Variants in MYOF observed in about 807,000 individuals in gnomAD.
MYOF encodes the protein fer-1-like 3, myoferlin.
A neutral mutation model predicts 284.2 loss-of-function variants in MYOF; 244 were observed. The ratio of observed to expected loss-of-function variants is 0.86; its 90% CI spans 0.77 to 0.95. MYOF has a LOEUF of 0.95. MYOF is among the 40% of genes least tolerant of loss of function. The pLI, the probability that MYOF is intolerant of heterozygous loss-of-function variation, is 0.00. For synonymous variants in MYOF, 904 were observed against 919.7 expected, an observed-to-expected ratio of 0.98 and a Z score of 0.31; for missense variants, 2,496 against 2,560.6, an observed-to-expected ratio of 0.97 and a Z score of 0.54.
chr10:93,389,444 G>A (rs1846565304), intron 17 of MYOF, among the ~76,000 whole-genome samples: 1 of 152,116 alleles, frequency 6.6e-6, no homozygotes, highest in South Asian at 2.1e-4. Flanking sequence ...TCACATTTTT[G>A]CAAGTTTATA....
Position 93,374,962 on chromosome 10 carries a change from A to T in MYOF, c.2109-7T>A. Reference sequence around the variant, plus strand: ...TGTGAGAGGCAACGTGTATCTAGAAAAATGAAGAAAAAAAGAAACAGAGGA... The same window carrying T: ...TGTGAGAGGCAACGTGTATCTAGAATAATGAAGAAAAAAAGAAACAGAGGA... On this transcript the variant is annotated splice_region_variant and splice_polypyrimidine_tract_variant and intron_variant, in intron 22 of 53. Coordinates refer to ENST00000359263, the MANE Select transcript of MYOF (RefSeq NM_013451.4). The T allele has an allele frequency of 5.0e-6, 8 of 1,604,580 alleles. No homozygotes were observed. The highest frequency in any genetic ancestry group is 6.8e-6 in the Non-Finnish European group (8 of 1,176,926).
intron 12 of MYOF, among the ~76,000 whole-genome samples, chr10:93,399,818 G>A (rs992472598): frequency 6.6e-6 from 1 of 152,138 alleles, no homozygotes; most frequent in Non-Finnish European, 1.5e-5. Flanking sequence ...ATTGCAGTGA[G>A]CCAAGATCAC....
At chr10:93,307,564 T>C (rs1253078395) in intron 53 of MYOF, among the ~76,000 whole-genome samples, 2 of 151,882 alleles carry the variant, frequency 1.3e-5, no homozygotes, top group African/African-American at 4.8e-5. Context: ...CCTCCAAACA[T>C]GGTGGGATTA....
intron 3 of MYOF, among the ~76,000 whole-genome samples, chr10:93,439,152 C>T (rs777025271): frequency 3.3e-5 from 5 of 152,202 alleles, no homozygotes; most frequent in Non-Finnish European, 4.4e-5. Context: ...CCTCCCACCT[C>T]TGCAACTCTG....
In MYOF at chr10:93,442,041, C is replaced by G. The variant is rs11187428; in HGVS notation, c.236+10009G>C. 0.06 allele frequency among the ~76,000 whole-genome samples: 8,548 copies of G among 142,684 alleles called. 1,191 individuals are homozygous for G. In the East Asian group the frequency reaches 0.64, roughly 11 times the overall value. The allele number at this position is 142,684 out of a possible 152,430, so 93.6% of individuals were successfully genotyped here. On this transcript the variant is annotated intron_variant, in intron 3 of 53. Coordinates refer to ENST00000359263, the MANE Select transcript of MYOF (RefSeq NM_013451.4). Reference sequence around the variant, plus strand: ...ACACACACACACACACACACACACACAGAATAAACCTTGGAAAGTCTGGGC... The same window carrying G: ...ACACACACACACACACACACACACAGAGAATAAACCTTGGAAAGTCTGGGC...
intron 31 of MYOF, among the ~76,000 whole-genome samples, chr10:93,355,351 T>C (rs1844744561): frequency 6.6e-6 from 1 of 152,222 alleles, no homozygotes; most frequent in African/African-American, 2.4e-5. Flanking sequence ...CCCAGCACTT[T>C]GGTAGGCCAA....
rs192148603 is a variant in MYOF at position 93,452,732 on chromosome 10, G to T, written c.145-591C>A. On this transcript the variant is annotated intron_variant, in intron 2 of 53. Coordinates refer to ENST00000359263, the MANE Select transcript of MYOF (RefSeq NM_013451.4). The stretch of plus-strand genomic sequence containing the variant: ...TAACAAAAATAAAAAAATTAAAAAA[G>T]AATAAAATGCAGGGTATATGTGAAA... Among the ~76,000 whole-genome samples the T allele has an allele frequency of 1.6e-4, 25 of 152,106 alleles. No homozygotes were observed. The East Asian group carries it at 4.8e-3, about 29-fold the overall frequency.
chr10:93,444,047 GT>G, intron 3 of MYOF, among the ~76,000 whole-genome samples: 1 of 152,310 alleles, frequency 6.6e-6, no homozygotes, highest in African/African-American at 2.4e-5. Flanking sequence ...AGAGAGGTTT[GT>G]TTCTCTTGTG....
chr10:93,344,642 T>G (rs1844092036), intron 37 of MYOF, among the ~76,000 whole-genome samples: 1 of 147,764 alleles, frequency 6.8e-6, no homozygotes, highest in African/African-American at 2.5e-5. Flanking sequence ...GATAACAGGT[T>G]AATGGGTGCA....
At chr10:93,357,737 G>A (rs1456692905) in intron 29 of MYOF, among the ~76,000 whole-genome samples, 1 of 152,134 alleles carries the variant, frequency 6.6e-6, no homozygotes, top group African/African-American at 2.4e-5. Flanking sequence ...ATAAATAGTA[G>A]CAGTGAAAAA....
rs1243081912 is a variant in MYOF at position 93,328,834 on chromosome 10, G to A, written c.5060C>T (p.Pro1687Leu). 1 of 1,613,656 alleles carries A rather than the reference G, an allele frequency of 6.2e-7. No homozygotes were observed. Among genetic ancestry groups the A allele is most frequent in the Non-Finnish European group, 8.5e-7 (1 of 1,179,742 alleles). Residue 1687 changes from proline (P) to leucine (L), a missense_variant, in exon 45 of 54, where the codon CCA (proline) becomes CTA (leucine). Transcript: ENST00000359263. ...LQNVARFKGFPQPILSEDGSR... is the reference protein window; with the variant it reads ...LQNVARFKGFLQPILSEDGSR... The stretch of plus-strand genomic sequence containing the variant: ...CCCATCTTCGGAAAGGATGGGTTGT[G>A]GGAAGCCTTTGAATCTGGCGACATT...
Position 93,323,319 on chromosome 10 carries a change from A to G in MYOF, c.5311T>C (p.Leu1771=), listed in dbSNP as rs768661019. Residue 1771 remains leucine, a synonymous_variant, in exon 47 of 54, where the codon TTG becomes CTG. Transcript: ENST00000359263. ...QMWVDVFPKS[L]GPPGPPFNIT... is the part of the protein sequence containing the mutation. ...TTGAAAGGAGGGCCTGGTGGCCCCA[A>G]ACTCTTGGGGAAAACATCCACCCAC... The G allele has an allele frequency of 2.5e-6, 4 of 1,614,034 alleles. No homozygotes were observed. The highest frequency in any genetic ancestry group is 1.1e-5 in the South Asian group (1 of 91,078).
At chr10:93,446,843 C>T (rs2134282741) in intron 3 of MYOF, among the ~76,000 whole-genome samples, 1 of 151,974 alleles carries the variant, frequency 6.6e-6, no homozygotes, top group Admixed American at 6.6e-5. Context: ...GCCTTGGCCT[C>T]CTGAGCTGGG....
At chr10:93,461,633 G>T (rs1455602650) in intron 1 of MYOF, among the ~76,000 whole-genome samples, 1 of 152,120 alleles carries the variant, frequency 6.6e-6, no homozygotes, top group Non-Finnish European at 1.5e-5. Context: ...AGGCATGGAG[G>T]AGGGAGAACC....
rs7097740 is a variant in MYOF at position 93,335,910 on chromosome 10, A to G, written c.4563+11T>C. The G allele has an allele frequency of 0.28, 447,314 of 1,612,832 alleles. 75,358 individuals are homozygous for G. Among genetic ancestry groups the G allele is most frequent in the East Asian group, 0.86 (38,801 of 44,862 alleles). ...TGGATTTTAAACGGGACCAACACAC[A>G]TCTTACTCACCTTAAACTCTCCAAC... is the stretch of plus-strand genomic sequence containing the variant. On this transcript the variant is annotated intron_variant, in intron 41 of 53. Transcript: ENST00000359263.
intron 4 of MYOF, among the ~76,000 whole-genome samples, chr10:93,426,884 CTTTTTTTTTTT>C (rs1169014883): frequency 9.5e-6 from 1 of 104,752 alleles, no homozygotes; most frequent in African/African-American, 3.6e-5. Flanking sequence ...ACGAGACTGT[CTTTTTTTTTTT>C]TTTTTTTTTT....
chr10:93,430,990 C>T (rs1848822840), intron 4 of MYOF, among the ~76,000 whole-genome samples: 1 of 150,962 alleles, frequency 6.6e-6, no homozygotes, highest in African/African-American at 2.4e-5. Flanking sequence ...TCTTTTTTAC[C>T]AATTGGTTCT....
At chr10:93,469,380 G>A (rs117324277) in intron 1 of MYOF, among the ~76,000 whole-genome samples, 7,110 of 149,158 alleles carry the variant, frequency 0.048, 220 homozygotes, top group Non-Finnish European at 0.07. Context: ...CAGCCTGGGC[G>A]ACAGAGCTAG....
At chr10:93,401,790 T>C (rs933954674) in intron 11 of MYOF, among the ~76,000 whole-genome samples, 2 of 53,664 alleles carry the variant, frequency 3.7e-5, no homozygotes, top group African/African-American at 1.1e-4. Flanking sequence ...TAAGAGCCTG[T>C]GCGTGTGTGT....
Sources: gnomAD v4.1 joint callset for allele counts (sites outside exome capture counted in the v4.1 genomes callset) on GRCh38, gnomAD v4.1.1 for gene constraint, MANE v1.5 for transcripts, NCBI Gene and HGNC (gene_info 2026-07-23, HGNC 2026-07-21) for gene names.